Variants in NETO1 observed in about 807,000 individuals in gnomAD.
The protein encoded by NETO1 is neuropilin and tolloid like 1, also known as neuropilin and tolloid-like protein 1.
NETO1 carries 26 observed loss-of-function variants against 61.3 expected under a neutral mutation model. The observed-to-expected ratio is 0.42, with a 90% CI of 0.31 to 0.59. NETO1 has a LOEUF of 0.59. Ranked by LOEUF, NETO1 falls within the 20% of genes least tolerant of loss-of-function variation. NETO1 has a pLI of 0.12. For missense variants in NETO1, 531 were observed against 662.8 expected (o/e 0.80, Z 2.18); for synonymous variants, 225 against 225.8 (o/e 1.00, Z 0.03).
At chr18:72,772,825 C>CTCTCTATATA (rs1568187563) in intron 7 of NETO1, among the ~76,000 whole-genome samples, 10 of 40,838 alleles carry the variant, frequency 2.4e-4, no homozygotes, top group Non-Finnish European at 3.0e-4. Context: ...CTCTCTCTCT[C>CTCTCTATATA]TATATATATA....
chr18:72,799,954 T>C (rs1219635819), intron 4 of NETO1, among the ~76,000 whole-genome samples: 4 of 152,224 alleles, frequency 2.6e-5, no homozygotes, highest in Non-Finnish European at 5.9e-5. Flanking sequence ...AAAAACTGTG[T>C]TCAAGTCAGC....
At chr18:72,864,776 G>T in intron 3 of NETO1, 32 bp downstream of exon 3, 1 of 1,613,646 alleles carries the variant, frequency 6.2e-7, no homozygotes, top group Non-Finnish European at 8.5e-7. Flanking sequence ...TTGGCTTAGT[G>T]CTTTCTTAAC....
chr18:72,867,557 T>C lies in NETO1; in HGVS notation c.-266A>G. 2.8e-6 allele frequency: 1 copy of C among 351,104 alleles called. No individual in the cohort carries two copies. The highest frequency in any genetic ancestry group is 5.1e-6 in the Non-Finnish European group (1 of 196,644). The allele number at this position is 351,104 out of a possible 1,614,324, so 21.7% of individuals were successfully genotyped here. On this transcript the variant is annotated 5_prime_UTR_variant, in exon 1 of 11. Coordinates refer to ENST00000327305, the MANE Select transcript of NETO1 (RefSeq NM_138966.5). Reference sequence around the variant, plus strand: ...CGCGCAGCCAGCAGCATCCCCACCGTGACGCTCGCATCACACCCGGGCGCC... The same window carrying C: ...CGCGCAGCCAGCAGCATCCCCACCGCGACGCTCGCATCACACCCGGGCGCC...
At chr18:72,750,004 C>CT in intron 9 of NETO1, 58 bp downstream of exon 9, 3 of 1,239,150 alleles carry the variant, frequency 2.4e-6, no homozygotes, top group Non-Finnish European at 3.4e-6. Context: ...AGACAATACT[C>CT]TGGAAGTATT....
intron 4 of NETO1, among the ~76,000 whole-genome samples, chr18:72,820,402 G>T (rs758722041): frequency 1.3e-5 from 2 of 152,160 alleles, no homozygotes; most frequent in Non-Finnish European, 1.5e-5. Context: ...ATACAAGTGC[G>T]CATTCTCCTT....
chr18:72,818,197 T>C (rs1265564464), intron 4 of NETO1, among the ~76,000 whole-genome samples: 2 of 152,212 alleles, frequency 1.3e-5, no homozygotes, highest in East Asian at 1.9e-4. Flanking sequence ...AATTGTAAAT[T>C]TGCAAGTGTA....
At chr18:72,834,869 C>A in intron 4 of NETO1, 1 of 916,442 alleles carries the variant, frequency 1.1e-6, no homozygotes. Flanking sequence ...GATTGTAATA[C>A]AAGAATAAAT....
In NETO1 at chr18:72,750,497, C is replaced by T. The variant is rs140307788; in HGVS notation, c.1106G>A (p.Arg369His). The T allele has an allele frequency of 2.8e-5, 45 of 1,613,990 alleles. No homozygotes were observed. The highest frequency in any genetic ancestry group is 5.5e-5 in the South Asian group (5 of 91,076). The change falls in exon 9 of 11, where the codon CGT becomes CAT. Residue 369 changes from arginine to histidine, a missense_variant. Transcript: ENST00000327305. ...ISVIVQIKQP[R>H]KKYVQRKSDF... The stretch of plus-strand genomic sequence containing the variant: ...TGATTTCCTTTGGACATACTTTTTA[C>T]GAGGCTGTTTGATCTGTACGATGAC...
At chr18:72,761,821 T>G (rs907801005) in intron 7 of NETO1, among the ~76,000 whole-genome samples, 1 of 152,216 alleles carries the variant, frequency 6.6e-6, no homozygotes. Flanking sequence ...TCAAATACTT[T>G]ATAATAAATT....
At position 72,849,527 on chromosome 18, in the gene NETO1, G is replaced by C. The variant is rs140245074; in HGVS notation, c.469+9299C>G. 4.6e-5 allele frequency among the ~76,000 whole-genome samples: 7 copies of C among 152,132 alleles called. No individual in the cohort carries two copies. The East Asian group carries it at 1.3e-3, about 29-fold the overall frequency. On this transcript the variant is annotated intron_variant, in intron 4 of 10. Coordinates refer to ENST00000327305, the MANE Select transcript of NETO1 (RefSeq NM_138966.5). ...ACAGTAAGTTTAAGGCAATATAGAC[G>C]TTTTTCTAACATGCTTCTCAAAATT...
chr18:72,806,489 C>T (rs1025040539), intron 4 of NETO1, among the ~76,000 whole-genome samples: 2 of 152,160 alleles, frequency 1.3e-5, no homozygotes, highest in African/African-American at 4.8e-5. Context: ...TATCAATTAT[C>T]TTCCTCCAAT....
chr18:72,845,099 A>G (rs1283274825), intron 4 of NETO1, among the ~76,000 whole-genome samples: 3 of 152,264 alleles, frequency 2.0e-5, no homozygotes, highest in African/African-American at 7.2e-5. Context: ...TTTTGTATAC[A>G]GTAATAATTT....
At chr18:72,816,596 C>T (rs999189240) in intron 4 of NETO1, among the ~76,000 whole-genome samples, 1 of 152,126 alleles carries the variant, frequency 6.6e-6, no homozygotes, top group African/African-American at 2.4e-5. Context: ...CAATGGAGAA[C>T]CTCTCCAGGC....
chr18:72,835,256 G>A, intron 4 of NETO1: 43 of 1,548,596 alleles, frequency 2.8e-5, no homozygotes, highest in Non-Finnish European at 3.8e-5. Flanking sequence ...CCAGAGATGA[G>A]ATGATGGAGA....
chr18:72,853,217 A>G (rs1363015098), intron 4 of NETO1: 1 of 152,204 alleles, frequency 6.6e-6, no homozygotes, highest in Non-Finnish European at 1.5e-5. Flanking sequence ...ATGCCTCAAG[A>G]ATAAATGTGA....
At chr18:72,788,122 C>T (rs564249371) in intron 6 of NETO1, among the ~76,000 whole-genome samples, 1 of 152,204 alleles carries the variant, frequency 6.6e-6, no homozygotes, top group South Asian at 2.1e-4. Flanking sequence ...ATATTTTCCA[C>T]AAGAGGTGAC....
chr18:72,842,171 T>G (rs540896970), intron 4 of NETO1, among the ~76,000 whole-genome samples: 3 of 152,306 alleles, frequency 2.0e-5, no homozygotes, highest in African/African-American at 7.2e-5. Context: ...GGGGGAAATG[T>G]TCAAAATAAA....
chr18:72,783,966 G>T, intron 6 of NETO1, 60 bp from the exon 7 acceptor site: 1 of 1,174,744 alleles, frequency 8.5e-7, no homozygotes, highest in Non-Finnish European at 1.3e-6. Context: ...ATCAGTATCA[G>T]AACTCCTTTT....
intron 7 of NETO1, among the ~76,000 whole-genome samples, chr18:72,768,918 A>G (rs1031098892): frequency 6.6e-6 from 1 of 152,200 alleles, no homozygotes; most frequent in Non-Finnish European, 1.5e-5. Context: ...TTCTAAACAT[A>G]TGCTAATTTG....
Sources: allele counts gnomAD v4.1 joint callset (sites outside exome capture counted in the v4.1 genomes callset), GRCh38; gene constraint gnomAD v4.1.1; transcripts MANE v1.5; gene names NCBI Gene and HGNC (gene_info 2026-07-23, HGNC 2026-07-21).